Variants in ZDHHC6 observed in about 807,000 individuals in gnomAD.
The protein encoded by ZDHHC6 is zDHHC palmitoyltransferase 6.
ZDHHC6 carries 32 observed loss-of-function variants against 57.8 expected under a neutral mutation model. The ratio of observed to expected loss-of-function variants is 0.55; its 90% CI spans 0.42 to 0.74. The LOEUF (loss-of-function observed/expected upper bound fraction) is 0.74, where lower values mean the gene tolerates loss of function less well. Among genes scored for constraint, ZDHHC6 ranks in the 30% least tolerant of loss-of-function variants. ZDHHC6 has a pLI of 0.00. For synonymous variants in ZDHHC6, 128 were observed against 158.0 expected, an observed-to-expected ratio of 0.81 and a Z score of 1.42; for missense variants, 433 against 500.7, an observed-to-expected ratio of 0.86 and a Z score of 1.29.
rs1433355146 is a variant in ZDHHC6 at position 112,432,283 on chromosome 10, G to A, written c.1095C>T (p.Tyr365=). 9 of 1,607,810 alleles carry A rather than the reference G, an allele frequency of 5.6e-6. No individual in the cohort carries two copies. Among genetic ancestry groups the A allele is most frequent in the Non-Finnish European group, 7.6e-6 (9 of 1,178,368 alleles). Residue 365 remains tyrosine, a synonymous_variant, in exon 10 of 11, where the codon TAC becomes TAT. Transcript: ENST00000369405. ...CAAGAATTTTGTCTCCATATAACCA[G>A]TATCTGAAATATTTAAAAGATGAAA... The part of the protein sequence containing the change: ...EFILATRGLR[Y]WLYGDKILDD...
chr10:112,439,665 AAAAAGAAT>A (rs1845913895), intron 5 of ZDHHC6, among the ~76,000 whole-genome samples: 1 of 135,150 alleles, frequency 7.4e-6, no homozygotes, highest in African/African-American at 2.7e-5. Context: ...AAAAAAAAAA[AAAAAGAAT>A]GAAAAAGAAT....
At chr10:112,429,787 C>T (rs959311946), downstream of ZDHHC6, among the ~76,000 whole-genome samples, 1 of 152,192 alleles carries the variant, frequency 6.6e-6, no homozygotes, top group African/African-American at 2.4e-5. Context: ...TGTTGCTTCC[C>T]CAGCTGGAAT....
At position 112,445,444 on chromosome 10, in the gene ZDHHC6, AG is replaced by A. The variant is rs1564772196; in HGVS notation, c.-9del. ...CGAACAGAATGTACCCATTTTGGCA[AG>A]GAAGAATGCCTTCCTACTTTAAAAG... On this transcript the variant is annotated 5_prime_UTR_variant, in exon 2 of 11. Coordinates refer to ENST00000369405, the MANE Select transcript of ZDHHC6 (RefSeq NM_022494.3). 2 of 1,611,184 alleles carry A rather than the reference AG, an allele frequency of 1.2e-6. No homozygotes were observed. Among genetic ancestry groups the A allele is most frequent in the African/African-American group, 2.7e-5 (2 of 74,868 alleles).
At chr10:112,443,402 A>T (rs538017653) in intron 3 of ZDHHC6, 113 bp downstream of exon 3, 85 of 816,026 alleles carry the variant, frequency 1.0e-4, no homozygotes, top group Non-Finnish European at 1.6e-4. Flanking sequence ...AATATTGTTT[A>T]TAATATGGTA....
Position 112,434,277 on chromosome 10 carries a change from AT to A in ZDHHC6, c.903+19del. 6.5e-7 allele frequency: 1 copy of A among 1,538,498 alleles called. No individual in the cohort carries two copies. The highest frequency in any genetic ancestry group is 8.8e-7 in the Non-Finnish European group (1 of 1,139,590). ...GAAGGCGAGGCAAAAAGGAAGGGCT[AT>A]TTGAACAAAAATACTCACTGTTAAG... is the stretch of plus-strand genomic sequence containing the variant. On this transcript the variant is annotated intron_variant, in intron 7 of 10. Transcript: ENST00000369405.
intron 4 of ZDHHC6, among the ~76,000 whole-genome samples, chr10:112,441,534 T>TA: frequency 6.6e-6 from 1 of 152,326 alleles, no homozygotes; most frequent in South Asian, 2.1e-4. Context: ...AGATTTCACA[T>TA]AAAAATCCAG....
intron 5 of ZDHHC6, among the ~76,000 whole-genome samples, chr10:112,439,344 GT>G (rs2133866522): frequency 6.6e-6 from 1 of 152,068 alleles, no homozygotes; most frequent in East Asian, 1.9e-4. Flanking sequence ...CATAAGAATG[GT>G]TTTTGGGCCG....
At chr10:112,425,939 T>A (rs1414529544), downstream of ZDHHC6, among the ~76,000 whole-genome samples, 1 of 152,220 alleles carries the variant, frequency 6.6e-6, no homozygotes, top group African/African-American at 2.4e-5. Context: ...AACAACGAAC[T>A]GTTTTATACA....
chr10:112,427,317 C>G, downstream of ZDHHC6: 1 of 1,613,740 alleles, frequency 6.2e-7, no homozygotes, highest in Non-Finnish European at 8.5e-7. Flanking sequence ...CAAATACTTT[C>G]GGACCCAAAT....
chr10:112,427,346 C>T (rs146016544), downstream of ZDHHC6: 85 of 1,612,730 alleles, frequency 5.3e-5, no homozygotes, highest in African/African-American at 9.7e-4. Flanking sequence ...TGTATGAGCA[C>T]ATCCAGGATT....
chr10:112,426,019 G>A (rs779547439), downstream of ZDHHC6, among the ~76,000 whole-genome samples: 43 of 152,168 alleles, frequency 2.8e-4, no homozygotes, highest in Non-Finnish European at 3.8e-4. Flanking sequence ...GGCGCTTTAA[G>A]CTTAATGTTG....
chr10:112,430,101 G>T (rs1844899352), downstream of ZDHHC6, among the ~76,000 whole-genome samples: 1 of 152,192 alleles, frequency 6.6e-6, no homozygotes, highest in Admixed American at 6.5e-5. Context: ...CACCCCTCAG[G>T]CCACCACTGC....
downstream of ZDHHC6, chr10:112,427,311 T>G: frequency 6.2e-7 from 1 of 1,613,902 alleles, no homozygotes; most frequent in Non-Finnish European, 8.5e-7. Flanking sequence ...GCTTTCCAAA[T>G]ACTTTCGGAC....
chr10:112,428,650 AG>A (rs565262350), downstream of ZDHHC6, among the ~76,000 whole-genome samples: 146 of 152,262 alleles, frequency 9.6e-4, 1 homozygote, highest in African/African-American at 3.4e-3. Flanking sequence ...GGGCACCTGT[AG>A]TCCCAGCTAC....
chr10:112,426,012 G>A (rs537930361), downstream of ZDHHC6, among the ~76,000 whole-genome samples: 3 of 152,262 alleles, frequency 2.0e-5, no homozygotes, highest in Non-Finnish European at 2.9e-5. Context: ...AGCCAGAGGC[G>A]CTTTAAGCTT....
downstream of ZDHHC6, chr10:112,426,241 T>C (rs950692797): frequency 1.2e-6 from 2 of 1,607,304 alleles, no homozygotes; most frequent in African/African-American, 2.7e-5. Context: ...CTTGCACCTT[T>C]TATTTCCTTT....
At position 112,432,231 on chromosome 10, in the gene ZDHHC6, T is replaced by G. The variant is rs757940467; in HGVS notation, c.1138+9A>C. 12 of 1,597,170 alleles carry G rather than the reference T, an allele frequency of 7.5e-6. No homozygotes were observed. The African/African-American group carries it at 1.4e-4, about 18-fold the overall frequency. On this transcript the variant is annotated intron_variant, in intron 10 of 10. Coordinates refer to ENST00000369405, the MANE Select transcript of ZDHHC6 (RefSeq NM_022494.3). ...CTTGTCCTTTAAACATGCCCTTCCA[T>G]TTCCATACCTTCTATAAAGGAATCA...
intron 2 of ZDHHC6, among the ~76,000 whole-genome samples, chr10:112,444,604 T>C (rs1410028291): frequency 6.6e-6 from 1 of 152,206 alleles, no homozygotes; most frequent in Non-Finnish European, 1.5e-5. Context: ...ATGTCTGAAG[T>C]GGAGCCCAAG....
At chr10:112,444,170 A>G (rs1002766474) in intron 2 of ZDHHC6, among the ~76,000 whole-genome samples, 5 of 152,162 alleles carry the variant, frequency 3.3e-5, no homozygotes, top group African/African-American at 1.2e-4. Flanking sequence ...TTTCTCATGT[A>G]TTTAAGACTG....
Sources: allele counts gnomAD v4.1 joint callset (sites outside exome capture counted in the v4.1 genomes callset), GRCh38; gene constraint gnomAD v4.1.1; transcripts MANE v1.5; gene names NCBI Gene and HGNC (gene_info 2026-07-23, HGNC 2026-07-21).